The following GLCE variants were observed in gnomAD, a reference collection of about 807,000 sequenced individuals.
GLCE encodes the protein glucuronic acid epimerase, also known as D-glucuronyl C5-epimerase.
Under a neutral mutation model 47.9 loss-of-function variants are expected in GLCE, and 19 were observed. The observed-to-expected ratio is 0.40, with a 90% CI of 0.28 to 0.58. GLCE has a LOEUF of 0.58. GLCE is among the 20% of genes least tolerant of loss of function. The pLI, the probability that GLCE is intolerant of heterozygous loss-of-function variation, is 0.48. For missense variants in GLCE, 556 were observed against 743.3 expected (o/e 0.75, Z 2.93); for synonymous variants, 245 against 263.4 (o/e 0.93, Z 0.68).
At chr15:69,170,942 T>A (rs1158359803) in intron 1 of GLCE, among the ~76,000 whole-genome samples, 1 of 152,198 alleles carries the variant, frequency 6.6e-6, no homozygotes, top group Non-Finnish European at 1.5e-5. Flanking sequence ...TGAAAGCTAT[T>A]TGGAGGTATT....
intron 3 of GLCE, among the ~76,000 whole-genome samples, chr15:69,256,802 G>A (rs2052931892): frequency 1.3e-5 from 2 of 152,162 alleles, no homozygotes; most frequent in Admixed American, 1.3e-4. Context: ...TCTCTGGAAG[G>A]AGGTTTCAAG....
At chr15:69,189,826 A>C (rs1163833030) in intron 1 of GLCE, among the ~76,000 whole-genome samples, 1 of 151,694 alleles carries the variant, frequency 6.6e-6, no homozygotes, top group African/African-American at 2.4e-5. Context: ...ATTTTTTTTT[A>C]ACTTTTATTT....
intron 2 of GLCE, among the ~76,000 whole-genome samples, chr15:69,230,427 G>T (rs1268634700): frequency 6.6e-6 from 1 of 152,080 alleles, no homozygotes; most frequent in Admixed American, 6.5e-5. Flanking sequence ...CATTAAAATA[G>T]ATGAAGGAAA....
intron 2 of GLCE, among the ~76,000 whole-genome samples, chr15:69,237,136 A>G (rs904940250): frequency 2.0e-5 from 3 of 152,194 alleles, no homozygotes; most frequent in South Asian, 2.1e-4. Context: ...TCAAATTGCA[A>G]GTAGAATTTG....
rs1318188630 is a variant in GLCE, at chr15:69,270,723, CAT to C, written c.*1486_*1487del. 6.6e-6 allele frequency: 1 copy of C among 152,078 alleles called. No individual in the cohort carries two copies. The highest frequency in any genetic ancestry group is 1.5e-5 in the Non-Finnish European group (1 of 68,018). 9.4% of individuals were successfully genotyped at this position (152,078 alleles called of 1,614,324 possible). A position where few individuals can be genotyped will look rare whatever the true frequency, so the allele number is the denominator to read the frequency against. On this transcript the variant is annotated 3_prime_UTR_variant, in exon 5 of 5. Coordinates refer to ENST00000261858, the MANE Select transcript of GLCE (RefSeq NM_015554.3). ...CAAGCACTACTTAGAAACTGGAAAA[CAT>C]ATATATGTTAGCATCAAAGGGGGCA...
intron 2 of GLCE, among the ~76,000 whole-genome samples, chr15:69,241,866 A>G (rs561768142): frequency 5.6e-4 from 85 of 152,332 alleles, no homozygotes; most frequent in African/African-American, 2.0e-3. Context: ...GACCAAATTA[A>G]TCATCAGAAT....
intron 1 of GLCE, among the ~76,000 whole-genome samples, chr15:69,190,966 C>T (rs1337992699): frequency 6.6e-6 from 1 of 152,056 alleles, no homozygotes; most frequent in Non-Finnish European, 1.5e-5. Flanking sequence ...GGATTACATT[C>T]TATATCTTTA....
chr15:69,228,490 G>T (rs2052478571), intron 2 of GLCE, among the ~76,000 whole-genome samples: 1 of 152,030 alleles, frequency 6.6e-6, no homozygotes, highest in Non-Finnish European at 1.5e-5. Context: ...TTATTAGCTG[G>T]CAAAAGAAAT....
At chr15:69,221,862 C>CAAA (rs35986310) in intron 2 of GLCE, among the ~76,000 whole-genome samples, 1 of 87,422 alleles carries the variant, frequency 1.1e-5, no homozygotes. Context: ...GACGCTGTCT[C>CAAA]AAAAAAAAAA....
At chr15:69,166,382 AT>A (rs1213835745) in intron 1 of GLCE, among the ~76,000 whole-genome samples, 2 of 152,238 alleles carry the variant, frequency 1.3e-5, no homozygotes, top group African/African-American at 4.8e-5. Flanking sequence ...TTATTAACAT[AT>A]TTAATTCATT....
chr15:69,227,563 G>A (rs1468813280), intron 2 of GLCE, among the ~76,000 whole-genome samples: 8 of 152,060 alleles, frequency 5.3e-5, no homozygotes, highest in Admixed American at 3.3e-4. Context: ...TTGAGTGAAC[G>A]CTGTGAGCCG....
intron 1 of GLCE, among the ~76,000 whole-genome samples, chr15:69,168,297 A>G (rs1325205830): frequency 6.6e-6 from 1 of 152,192 alleles, no homozygotes; most frequent in Non-Finnish European, 1.5e-5. Flanking sequence ...ATGAAAAATT[A>G]AAAAACATAA....
At chr15:69,192,861 A>C (rs896090980) in intron 1 of GLCE, among the ~76,000 whole-genome samples, 1 of 152,100 alleles carries the variant, frequency 6.6e-6, no homozygotes, top group Non-Finnish European at 1.5e-5. Context: ...GGTAATACAA[A>C]TTTTAACAAT....
At chr15:69,225,178 T>G (rs2052429006) in intron 2 of GLCE, among the ~76,000 whole-genome samples, 1 of 152,156 alleles carries the variant, frequency 6.6e-6, no homozygotes, top group Non-Finnish European at 1.5e-5. Context: ...AAAGCTTTTT[T>G]TTTTTCTTTT....
In GLCE at chr15:69,174,867, T is replaced by C. The variant is rs191658077; in HGVS notation, c.-105+14110T>C. On this transcript the variant is annotated intron_variant, in intron 1 of 4. Transcript: ENST00000261858. ...CCTGATCCATTTTTTTAAAGTCATC[T>C]CGGGTTCTTCTATCCAACACTGATA... is the stretch of plus-strand genomic sequence containing the variant. 2.0e-3 allele frequency among the ~76,000 whole-genome samples: 303 copies of C among 152,342 alleles called. 4 individuals carry two copies. Among genetic ancestry groups the C allele is most frequent in the African/African-American group, 7.0e-3 (292 of 41,574 alleles).
rs2052916206 is a variant in GLCE at position 69,255,968 on chromosome 15, A to G, written c.162A>G (p.Lys54=). 1 of 1,613,932 alleles carries G rather than the reference A, an allele frequency of 6.2e-7. No individual in the cohort carries two copies. Among genetic ancestry groups the G allele is most frequent in the African/African-American group, 1.3e-5 (1 of 74,884 alleles). The change falls in exon 3 of 5, where the codon AAA becomes AAG. Residue 54 remains lysine (K), a synonymous_variant. Transcript: ENST00000261858. ...SSGFRVDGFE[K]RAAASESNNY... The stretch of plus-strand genomic sequence containing the variant: ...GCTTCAGAGTGGATGGGTTTGAAAA[A>G]AGAGCAGCAGCATCTGAGAGTAACA...
At chr15:69,204,106 G>A (rs2052114450) in intron 1 of GLCE, among the ~76,000 whole-genome samples, 1 of 151,974 alleles carries the variant, frequency 6.6e-6, no homozygotes, top group South Asian at 2.1e-4. Flanking sequence ...ATAATTCACT[G>A]TAAGCTTGTA....
intron 3 of GLCE, among the ~76,000 whole-genome samples, chr15:69,256,753 G>C (rs913442581): frequency 1.3e-5 from 2 of 152,196 alleles, no homozygotes; most frequent in Non-Finnish European, 2.9e-5. Context: ...ACCCATCAAT[G>C]TACCAGTGTG....
chr15:69,184,956 A>G (rs2051801261), intron 1 of GLCE, among the ~76,000 whole-genome samples: 1 of 152,202 alleles, frequency 6.6e-6, no homozygotes, highest in South Asian at 2.1e-4. Flanking sequence ...TCCTTCTCAT[A>G]TCTGAGTCAG....
Sources: gnomAD v4.1 joint callset for allele counts (sites outside exome capture counted in the v4.1 genomes callset) on GRCh38, gnomAD v4.1.1 for gene constraint, MANE v1.5 for transcripts, NCBI Gene and HGNC (gene_info 2026-07-23, HGNC 2026-07-21) for gene names.